DHX30: variants seen among roughly 807,000 people sequenced by gnomAD.
DHX30 encodes the protein DExH-box helicase 30, also known as ATP-dependent RNA helicase DHX30.
Under a neutral mutation model 116.9 loss-of-function variants are expected in DHX30, and 4 were observed. That is an observed-to-expected ratio of 0.03 (90% CI 0.02 to 0.08). The LOEUF is 0.08. Among genes scored for constraint, DHX30 ranks in the 10% least tolerant of loss-of-function variants. The pLI is 1.00. For synonymous variants in DHX30, 697 were observed against 651.7 expected (o/e 1.07, Z -1.06); for missense variants, 871 against 1,595.1 (o/e 0.55, Z 7.73).
chr3:47,809,039 C>T (rs1473287510), intron 2 of DHX30, among the ~76,000 whole-genome samples: 1 of 151,962 alleles, frequency 6.6e-6, no homozygotes, highest in Admixed American at 6.6e-5. Context: ...CAGGCGCCTG[C>T]CACCGTGCCT....
At chr3:47,835,778 G>A (rs1425355714) in intron 6 of DHX30, among the ~76,000 whole-genome samples, 1 of 152,226 alleles carries the variant, frequency 6.6e-6, no homozygotes, top group African/African-American at 2.4e-5. Flanking sequence ...TATGTCATTT[G>A]TAAGCAGGGA....
chr3:47,849,519 A>T lies in DHX30; in HGVS notation c.3156A>T (p.Ser1052=). ...KPNSVTYRTK[S]GNILLHKSTI... The stretch of plus-strand genomic sequence containing the variant: ...ACAGCGTCACATATAGGACCAAATC[A>T]GGCAACATCCTGCTGCACAAGTCGA... Residue 1052 remains serine (S), a synonymous_variant, in exon 20 of 22, where the codon TCA becomes TCT. Coordinates refer to ENST00000445061, the MANE Select transcript of DHX30 (RefSeq NM_138615.3). The T allele has an allele frequency of 2.5e-6, 4 of 1,604,814 alleles. No homozygotes were observed. Among genetic ancestry groups the T allele is most frequent in the Non-Finnish European group, 3.4e-6 (4 of 1,172,926 alleles).
At position 47,847,866 on chromosome 3, in the gene DHX30, C is replaced by T. The variant is rs368335862; in HGVS notation, c.2196C>T (p.Asn732=). 1 of 1,614,198 alleles carries T rather than the reference C, an allele frequency of 6.2e-7. No homozygotes were observed. The highest frequency in any genetic ancestry group is 8.5e-7 in the Non-Finnish European group (1 of 1,180,044). Residue 732 remains asparagine (N), a synonymous_variant, in exon 14 of 22, where the codon AAC becomes AAT. Transcript: ENST00000445061. This position sits in a 1 kb window ranked among gnomAD's most constrained non-coding sequence, Gnocchi z 5.5. The part of the protein sequence containing the change: ...VGVRKIVLAT[N]IAETSITIND... ...TGCGCAAGATTGTCTTGGCCACCAA[C>T]ATTGCTGAGACTTCCATCACAATCA...
At position 47,818,040 on chromosome 3, in the gene DHX30, A is replaced by G; in HGVS notation, c.47A>G (p.Gln16Arg). 1 of 781,054 alleles carries G rather than the reference A, an allele frequency of 1.3e-6. No individual in the cohort carries two copies. Among genetic ancestry groups the G allele is most frequent in the Non-Finnish European group, 2.4e-6 (1 of 418,130 alleles). 48.4% of individuals were successfully genotyped at this position (781,054 alleles called of 1,614,324 possible). ...TCCCCAGATCGGGCCCAGCACAGGC[A>G]GCGTCAGTGCAAACTTCCCCCACCC... ...SFRKDRAQHR[Q>R]RQCKLPPPRL... Residue 16 changes from glutamine (Q) to arginine (R), a missense_variant, in exon 4 of 22, where the codon CAG becomes CGG. By Grantham distance (43) the Gln-to-Arg change is conservative. Around this residue, in one of 13 missense-constraint regions of DHX30, gnomAD observed 66 missense variants for 153.9 expected, o/e 0.43. Coordinates refer to ENST00000445061, the MANE Select transcript of DHX30 (RefSeq NM_138615.3).
chr3:47,843,193 A>G lies in DHX30; in HGVS notation c.877A>G (p.Lys293Glu). 4 of 1,614,276 alleles carry G rather than the reference A, an allele frequency of 2.5e-6. No homozygotes were observed. The highest frequency in any genetic ancestry group is 3.4e-6 in the Non-Finnish European group (4 of 1,180,046). The change falls in exon 9 of 22, where the codon AAA becomes GAA. Residue 293 changes from lysine (K) to glutamate (E), a missense_variant. Transcript: ENST00000445061. The part of the protein sequence containing the change: ...LWPCPMTFVA[K>E]GRRKAEAENK... The stretch of plus-strand genomic sequence containing the variant: ...GCCCTGCCCCATGACCTTTGTTGCC[A>G]AAGGGCGCCGCAAAGCAGAGGCTGA...
At position 47,814,042 on chromosome 3, in the gene DHX30, TA is replaced by T. The variant is rs373552359; in HGVS notation, c.28+3335del. Among the ~76,000 whole-genome samples the T allele has an allele frequency of 8.4e-4, 128 of 151,844 alleles. 2 individuals carry two copies. The South Asian group carries it at 0.026, about 31-fold the overall frequency. On this transcript the variant is annotated intron_variant, in intron 3 of 21. Transcript: ENST00000445061. The stretch of plus-strand genomic sequence containing the variant: ...GTGGGCTTTATTGTCTACCCACTTG[TA>T]AAAGGTCGATGAAAGCAGGTTTTCT...
Position 47,847,544 on chromosome 3 carries a change from C to T in DHX30, c.2110+8C>T, listed in dbSNP as rs1464830014. 6.3e-7 allele frequency: 1 copy of T among 1,591,348 alleles called. No homozygotes were observed. The highest frequency in any genetic ancestry group is 1.3e-5 in the African/African-American group (1 of 74,490). On this transcript the variant is annotated splice_region_variant and intron_variant, in intron 13 of 21. Coordinates refer to ENST00000445061, the MANE Select transcript of DHX30 (RefSeq NM_138615.3). The surrounding 1 kb of genome is among the most constrained non-coding windows in gnomAD (Gnocchi z 5.5). ...AGTACCTCATCCTGCCAGGTGAGAGCCCCGGCGGAGGGACCAGGGACCTTT... is the reference window on the plus strand; with the variant it reads ...AGTACCTCATCCTGCCAGGTGAGAGTCCCGGCGGAGGGACCAGGGACCTTT...
At chr3:47,827,068 TGAG>T (rs1348558633) in intron 4 of DHX30, among the ~76,000 whole-genome samples, 1 of 152,132 alleles carries the variant, frequency 6.6e-6, no homozygotes, top group Non-Finnish European at 1.5e-5. Flanking sequence ...ATGTATGAAA[TGAG>T]GAGATTGGGC....
chr3:47,810,856 T>C (rs2035756407), intron 3 of DHX30, 145 bp downstream of exon 3: 1 of 816,836 alleles, frequency 1.2e-6, no homozygotes, highest in African/African-American at 1.7e-5. Context: ...AGCCTTCCTT[T>C]TGCATGGTGC....
intron 6 of DHX30, among the ~76,000 whole-genome samples, chr3:47,836,002 C>T (rs1435172268): frequency 6.6e-6 from 1 of 152,226 alleles, no homozygotes; most frequent in Non-Finnish European, 1.5e-5. Flanking sequence ...TTACAGTACA[C>T]AGGACAGCCC....
In DHX30 at chr3:47,813,065, G is replaced by A. The variant is rs540806681; in HGVS notation, c.28+2354G>A. ...GAAACTCTGGCAAGTCTTGCCGGGC[G>A]CGGTGGCTCACGCCTGTAATCCCAG... On this transcript the variant is annotated intron_variant, in intron 3 of 21. Coordinates refer to ENST00000445061, the MANE Select transcript of DHX30 (RefSeq NM_138615.3). Among the ~76,000 whole-genome samples, 15 of 151,986 alleles carry A rather than the reference G, an allele frequency of 9.9e-5. 1 individual carries two copies. The South Asian group carries it at 2.9e-3, about 29-fold the overall frequency.
chr3:47,837,176 C>T (rs1201317800), intron 6 of DHX30, among the ~76,000 whole-genome samples: 1 of 152,168 alleles, frequency 6.6e-6, no homozygotes, highest in African/African-American at 2.4e-5. Context: ...GCCAATGTGG[C>T]TTAGAGCCCG....
At chr3:47,812,190 G>A (rs2035825705) in intron 3 of DHX30, among the ~76,000 whole-genome samples, 1 of 151,354 alleles carries the variant, frequency 6.6e-6, no homozygotes, top group Non-Finnish European at 1.5e-5. Context: ...TCGTGCCATT[G>A]CACTCCAGCC....
At position 47,846,963 on chromosome 3, in the gene DHX30, G is replaced by A; in HGVS notation, c.1891G>A (p.Gly631Ser). The change falls in exon 11 of 22, where the codon GGC (glycine) becomes AGC (serine). Residue 631 changes from glycine (G) to serine (S), a missense_variant. Gly to Ser is a moderately conservative substitution (Grantham distance 56). Transcript: ENST00000445061. ...HYLEDILAKL[G>S]KHQYLHRHRH... ...CCTAGAGGACATCCTGGCCAAGTTG[G>A]GCAAGCACCAGTACCTGCACCGGCA... 1.2e-6 allele frequency: 2 copies of A among 1,613,402 alleles called. No individual in the cohort carries two copies. Among genetic ancestry groups the A allele is most frequent in the Non-Finnish European group, 1.7e-6 (2 of 1,179,974 alleles).
At chr3:47,827,223 CTGGG>C (rs1224799010) in intron 4 of DHX30, 120 bp from the exon 5 acceptor site, 24 of 914,716 alleles carry the variant, frequency 2.6e-5, no homozygotes, top group Non-Finnish European at 3.8e-5. Context: ...CAAGATGCTC[CTGGG>C]TGGTTTGGGG....
At chr3:47,829,740 A>G (rs972641934) in intron 6 of DHX30, among the ~76,000 whole-genome samples, 1 of 152,072 alleles carries the variant, frequency 6.6e-6, no homozygotes, top group African/African-American at 2.4e-5. Context: ...AGCGTGAGGG[A>G]TATATTTCCA....
At chr3:47,841,330 C>T (rs979278835) in intron 7 of DHX30, 152 bp downstream of exon 7, 3 of 1,267,496 alleles carry the variant, frequency 2.4e-6, no homozygotes, top group Non-Finnish European at 3.2e-6. Flanking sequence ...TCTGCCCATT[C>T]TTGGGGGACA....
chr3:47,833,313 C>G (rs139984265), intron 6 of DHX30, among the ~76,000 whole-genome samples: 1 of 151,524 alleles, frequency 6.6e-6, no homozygotes, highest in Non-Finnish European at 1.5e-5. Flanking sequence ...TCACTTGAGT[C>G]CACGAGTTTG....
chr3:47,841,324 C>T, intron 7 of DHX30, 146 bp downstream of exon 7: 1 of 1,300,846 alleles, frequency 7.7e-7, no homozygotes. Context: ...TGTGTGTCTG[C>T]CCATTCTTGG....
Sources: allele counts gnomAD v4.1 joint callset (sites outside exome capture counted in the v4.1 genomes callset), GRCh38; gene constraint gnomAD v4.1.1; regional missense constraint gnomAD v4.1.1; non-coding constraint Gnocchi (gnomAD v3.1); transcripts MANE v1.5; gene names NCBI Gene and HGNC (gene_info 2026-07-23, HGNC 2026-07-21).